The following ACAP2 variants were observed in gnomAD, a reference collection of about 807,000 sequenced individuals.
The protein encoded by ACAP2 is arf-GAP with coiled-coil, ANK repeat and PH domain-containing protein 2.
In ACAP2, 39 loss-of-function variants were observed where a neutral mutation model predicts 115.8. The ratio of observed to expected loss-of-function variants is 0.34; its 90% CI spans 0.26 to 0.44. ACAP2 has a LOEUF of 0.44. ACAP2 is among the 20% of genes least tolerant of loss of function. The pLI is 1.00. For missense variants in ACAP2, 662 were observed against 927.6 expected (o/e 0.71, Z 3.72); for synonymous variants, 289 against 315.8 (o/e 0.92, Z 0.90).
At chr3:195,309,502 C>T (rs1365019312) in intron 10 of ACAP2, among the ~76,000 whole-genome samples, 10 of 151,280 alleles carry the variant, frequency 6.6e-5, no homozygotes, top group African/African-American at 1.2e-4. Context: ...GCCGAGATCA[C>T]GCCATTGCAC....
At chr3:195,329,506 C>T (rs1426713091) in intron 8 of ACAP2, among the ~76,000 whole-genome samples, 1 of 152,180 alleles carries the variant, frequency 6.6e-6, no homozygotes, top group African/African-American at 2.4e-5. Context: ...AACCATTCTA[C>T]CTTAATAAAA....
chr3:195,307,910 T>C (rs377370163), intron 11 of ACAP2, among the ~76,000 whole-genome samples: 1 of 152,196 alleles, frequency 6.6e-6, no homozygotes, highest in African/African-American at 2.4e-5. Context: ...TAAAATTTCA[T>C]ATTGTGTCAT....
intron 18 of ACAP2, among the ~76,000 whole-genome samples, chr3:195,292,976 C>A (rs1727369845): frequency 1.4e-5 from 2 of 146,086 alleles, no homozygotes; most frequent in South Asian, 2.2e-4. Flanking sequence ...CATTTTATTG[C>A]AATTTTTAAA....
rs767988495 is a variant in ACAP2 at position 195,278,679 on chromosome 3, T to C, written c.*649A>G. 8 of 152,076 alleles carry C rather than the reference T, an allele frequency of 5.3e-5. No homozygotes were observed. The highest frequency in any genetic ancestry group is 7.4e-5 in the Non-Finnish European group (5 of 68,022). The allele number at this position is 152,076 out of a possible 1,614,324, so 9.4% of individuals were successfully genotyped here. A position where few individuals can be genotyped will look rare whatever the true frequency, so the allele number is the denominator to read the frequency against. On this transcript the variant is annotated 3_prime_UTR_variant, in exon 23 of 23. Coordinates refer to ENST00000326793, the MANE Select transcript of ACAP2 (RefSeq NM_012287.6). The stretch of plus-strand genomic sequence containing the variant: ...AAAATAAATCTAAAGGACTGAATTA[T>C]GGTCTACCTGTACAGCCATTATACA...
chr3:195,308,805 A>G lies in ACAP2; in HGVS notation c.890T>C (p.Val297Ala). 6.2e-7 allele frequency: 1 copy of G among 1,610,016 alleles called. No homozygotes were observed. The highest frequency in any genetic ancestry group is 8.5e-7 in the Non-Finnish European group (1 of 1,178,886). Reference protein sequence around the residue: ...RWFSIQNNQLVYQKKFKDNPT... With the variant: ...RWFSIQNNQLAYQKKFKDNPT... ...ACCTACCTTAAATTTTTTCTGGTAAACCAACTGATTATTCTGTATTGAAAA... is the reference window on the plus strand; with the variant it reads ...ACCTACCTTAAATTTTTTCTGGTAAGCCAACTGATTATTCTGTATTGAAAA... The change falls in exon 11 of 23, where the codon GTT becomes GCT. Residue 297 changes from valine (V) to alanine (A), a missense_variant. Val to Ala is a moderately conservative substitution (Grantham distance 64). Transcript: ENST00000326793.
At chr3:195,430,154 C>T (rs541045280) in intron 1 of ACAP2, among the ~76,000 whole-genome samples, 21 of 152,110 alleles carry the variant, frequency 1.4e-4, no homozygotes, top group African/African-American at 4.6e-4. Flanking sequence ...GATGATCTGC[C>T]GGGATTTCTT....
intron 12 of ACAP2, chr3:195,306,979 C>A: frequency 2.7e-6 from 1 of 376,632 alleles, no homozygotes; most frequent in South Asian, 5.0e-5. Flanking sequence ...ATCATAATAG[C>A]TAAAACTTTC....
At chr3:195,359,130 C>G (rs1294198987) in intron 4 of ACAP2, among the ~76,000 whole-genome samples, 1 of 152,120 alleles carries the variant, frequency 6.6e-6, no homozygotes, top group Non-Finnish European at 1.5e-5. Context: ...CCCAGACAAA[C>G]AAAAGTTGAT....
chr3:195,362,234 T>C (rs1305858148), intron 4 of ACAP2, among the ~76,000 whole-genome samples: 2 of 150,926 alleles, frequency 1.3e-5, no homozygotes, highest in African/African-American at 2.4e-5. Flanking sequence ...GAGAATTGAT[T>C]GAACCTCGGA....
At chr3:195,320,100 G>A (rs913425523) in intron 10 of ACAP2, among the ~76,000 whole-genome samples, 3 of 152,132 alleles carry the variant, frequency 2.0e-5, no homozygotes, top group Admixed American at 2.0e-4. Context: ...CGAAGAAGAT[G>A]CCTGCTTTCC....
At chr3:195,285,764 C>A in intron 22 of ACAP2, 32 bp downstream of exon 22, 1 of 1,525,158 alleles carries the variant, frequency 6.6e-7, no homozygotes, top group South Asian at 1.2e-5. Context: ...TCTTATACTG[C>A]ATTTCAGTAT....
At chr3:195,299,396 C>G (rs1336003512) in intron 15 of ACAP2, among the ~76,000 whole-genome samples, 1 of 144,494 alleles carries the variant, frequency 6.9e-6, no homozygotes, top group Non-Finnish European at 1.5e-5. Flanking sequence ...ATGGCAATAC[C>G]CCGTCTCTAC....
At chr3:195,306,126 G>A (rs1184242379) in intron 13 of ACAP2, among the ~76,000 whole-genome samples, 4 of 151,848 alleles carry the variant, frequency 2.6e-5, no homozygotes, top group Non-Finnish European at 5.9e-5. Context: ...TATTTTTAAG[G>A]GGCCTTCACC....
intron 1 of ACAP2, among the ~76,000 whole-genome samples, chr3:195,426,081 TA>T (rs768202843): frequency 5.3e-5 from 8 of 152,222 alleles, no homozygotes; most frequent in Non-Finnish European, 1.2e-4. Flanking sequence ...AGATGAATTA[TA>T]ATGCCTAACA....
At chr3:195,439,966 G>A (rs550237817) in intron 1 of ACAP2, among the ~76,000 whole-genome samples, 9 of 152,136 alleles carry the variant, frequency 5.9e-5, no homozygotes, top group East Asian at 3.9e-4. Context: ...GTACTTTTAC[G>A]GAGGTTTTGT....
intron 1 of ACAP2, among the ~76,000 whole-genome samples, chr3:195,405,847 A>G (rs751399879): frequency 6.6e-6 from 1 of 152,174 alleles, no homozygotes; most frequent in Non-Finnish European, 1.5e-5. Context: ...TGCATCTTAC[A>G]TGGCCAGAGC....
At chr3:195,330,678 A>G (rs967293611) in intron 8 of ACAP2, among the ~76,000 whole-genome samples, 3 of 152,104 alleles carry the variant, frequency 2.0e-5, no homozygotes, top group African/African-American at 4.8e-5. Flanking sequence ...CTGTCCCTCA[A>G]TATCTATTTT....
rs984495608 is a variant in ACAP2 at position 195,276,074 on chromosome 3, A to C, written c.*3254T>G. ...AGAATGATCTGGGAATGTCTGTTCA[A>C]AACGGTAGTAAATTTAGTCTTAAAC... On this transcript the variant is annotated 3_prime_UTR_variant, in exon 23 of 23. Transcript: ENST00000326793. 3 of 152,676 alleles carry C rather than the reference A, an allele frequency of 2.0e-5. No homozygotes were observed. Among genetic ancestry groups the C allele is most frequent in the Admixed American group, 2.0e-4 (3 of 15,286 alleles). The allele number at this position is 152,676 out of a possible 1,614,324, so 9.5% of individuals were successfully genotyped here. A position where few individuals can be genotyped will look rare whatever the true frequency, so the allele number is the denominator to read the frequency against.
chr3:195,428,630 G>C (rs1222785746), intron 1 of ACAP2, among the ~76,000 whole-genome samples: 1 of 152,070 alleles, frequency 6.6e-6, no homozygotes, highest in Admixed American at 6.6e-5. Flanking sequence ...CATCTAAGTT[G>C]TGTAAATACA....
Sources: allele counts gnomAD v4.1 joint callset (sites outside exome capture counted in the v4.1 genomes callset), GRCh38; gene constraint gnomAD v4.1.1; transcripts MANE v1.5; gene names NCBI Gene and HGNC (gene_info 2026-07-23, HGNC 2026-07-21).